Variants in CHD7 observed in about 807,000 individuals in gnomAD.
The protein encoded by CHD7 is chromodomain helicase DNA binding protein 7.
Under a neutral mutation model 307.3 loss-of-function variants are expected in CHD7, and 24 were observed. That is an observed-to-expected ratio of 0.08 (90% CI 0.06 to 0.11). The LOEUF (loss-of-function observed/expected upper bound fraction) is 0.11, where lower values mean the gene tolerates loss of function less well. Ranked by LOEUF, CHD7 falls within the 10% of genes least tolerant of loss-of-function variation. CHD7 has a pLI of 1.00. For missense variants in CHD7, 3,106 were observed against 3,727.1 expected (o/e 0.83, Z 4.34); for synonymous variants, 1,363 against 1,349.9 (o/e 1.01, Z -0.21).
intron 13 of CHD7, chr8:60,824,942 C>T (rs1563633418): frequency 6.6e-6 from 1 of 152,134 alleles, no homozygotes. Flanking sequence ...TCTTTTCACT[C>T]CATAGTTTAT....
intron 3 of CHD7, among the ~76,000 whole-genome samples, chr8:60,793,179 G>A (rs1274922526): frequency 6.6e-6 from 1 of 152,154 alleles, no homozygotes; most frequent in East Asian, 1.9e-4. Flanking sequence ...GAACCTCATA[G>A]TAGGGGAGAC....
chr8:60,824,328 G>C (rs1426662051), intron 13 of CHD7: 26 of 391,532 alleles, frequency 6.6e-5, no homozygotes, highest in Non-Finnish European at 1.1e-4. Flanking sequence ...AAAAATCCCA[G>C]AATCCAAAAC....
intron 33 of CHD7, 80 bp downstream of exon 33, chr8:60,856,282 T>TG: frequency 7.8e-7 from 1 of 1,286,616 alleles, no homozygotes; most frequent in Non-Finnish European, 1.1e-6. Context: ...TATATTTCAC[T>TG]GGCCTTGCTT....
At chr8:60,807,094 A>G (rs149295801) in intron 6 of CHD7, among the ~76,000 whole-genome samples, 32 of 152,374 alleles carry the variant, frequency 2.1e-4, no homozygotes, top group African/African-American at 7.7e-4. Flanking sequence ...TAAGTTCACA[A>G]TCTTTGAAAA....
chr8:60,819,144 G>C (rs928172839), intron 8 of CHD7, among the ~76,000 whole-genome samples: 1 of 151,988 alleles, frequency 6.6e-6, no homozygotes, highest in Non-Finnish European at 1.5e-5. Flanking sequence ...TAGTAGAGAC[G>C]GGGTTTCACC....
chr8:60,683,032 TG>T (rs1332806311), intron 1 of CHD7, among the ~76,000 whole-genome samples: 1 of 152,248 alleles, frequency 6.6e-6, no homozygotes, highest in Non-Finnish European at 1.5e-5. Context: ...ATATTGGCTC[TG>T]TGGGACCCTT....
At chr8:60,786,987 A>G (rs73684572) in intron 3 of CHD7, among the ~76,000 whole-genome samples, 94 of 152,322 alleles carry the variant, frequency 6.2e-4, no homozygotes, top group African/African-American at 2.2e-3. Flanking sequence ...GTGACTTAGC[A>G]TTCAGACGTT....
chr8:60,812,363 TTA>T (rs1303757727), intron 7 of CHD7, among the ~76,000 whole-genome samples: 2 of 152,166 alleles, frequency 1.3e-5, no homozygotes, highest in East Asian at 3.9e-4. Context: ...TCTAGCACCA[TTA>T]TTAAAGAGTC....
In CHD7 at chr8:60,722,820, T is replaced by C. The variant is rs1425269674; in HGVS notation, c.-174-18439T>C. Among the ~76,000 whole-genome samples, 2 of 152,210 alleles carry C rather than the reference T, an allele frequency of 1.3e-5. 1 individual carries two copies. Among genetic ancestry groups the C allele is most frequent in the Non-Finnish European group, 2.9e-5 (2 of 68,020 alleles). On this transcript the variant is annotated intron_variant, in intron 1 of 37. Transcript: ENST00000423902. The stretch of plus-strand genomic sequence containing the variant: ...AGAACATGAAGAAAATCTGGTCTCA[T>C]GTGGACATGTATTAAAAAGAGAGGA...
intron 2 of CHD7, among the ~76,000 whole-genome samples, chr8:60,759,477 C>T (rs1810061891): frequency 6.8e-6 from 1 of 147,800 alleles, no homozygotes; most frequent in East Asian, 2.0e-4. Context: ...CTCTCCCTCT[C>T]TCCCTCTCTC....
chr8:60,845,005 C>A lies in CHD7; in HGVS notation c.4992C>A (p.Ile1664=). 3 of 1,614,034 alleles carry A rather than the reference C, an allele frequency of 1.9e-6. No individual in the cohort carries two copies. Among genetic ancestry groups the A allele is most frequent in the Non-Finnish European group, 2.5e-6 (3 of 1,179,892 alleles). ...YKGDENIKSF[I]WDLITPTADG... is the part of the protein sequence containing the mutation. ...GGGATGAGAATATCAAAAGCTTCATCTGGGATCTGATCACACCCACAGCGG... is the reference window on the plus strand; with the variant it reads ...GGGATGAGAATATCAAAAGCTTCATATGGGATCTGATCACACCCACAGCGG... The change falls in exon 22 of 38, where the codon ATC becomes ATA. Residue 1664 remains isoleucine (I), a synonymous_variant. Transcript: ENST00000423902.
At chr8:60,710,233 AC>A (rs977129894) in intron 1 of CHD7, among the ~76,000 whole-genome samples, 2 of 130,740 alleles carry the variant, frequency 1.5e-5, no homozygotes, top group African/African-American at 2.7e-5. Flanking sequence ...TGAAATGAAA[AC>A]TTTTTTTTTT....
intron 7 of CHD7, among the ~76,000 whole-genome samples, chr8:60,812,755 A>AT (rs1290894874): frequency 3.4e-5 from 5 of 148,822 alleles, no homozygotes; most frequent in African/African-American, 1.2e-4. Context: ...TATTTTATTT[A>AT]TTTTTTTATT....
At chr8:60,727,731 A>T (rs112733699) in intron 1 of CHD7, among the ~76,000 whole-genome samples, 5 of 152,114 alleles carry the variant, frequency 3.3e-5, no homozygotes, top group Non-Finnish European at 7.3e-5. Flanking sequence ...CTGTTTGTCA[A>T]TGACTTAAAC....
intron 1 of CHD7, among the ~76,000 whole-genome samples, chr8:60,736,951 T>TA (rs1808743421): frequency 6.6e-6 from 1 of 152,182 alleles, no homozygotes; most frequent in Non-Finnish European, 1.5e-5. Context: ...AATAATTGTT[T>TA]ATATTGTTTT....
At chr8:60,724,232 G>T (rs1024473133) in intron 1 of CHD7, among the ~76,000 whole-genome samples, 2 of 152,194 alleles carry the variant, frequency 1.3e-5, no homozygotes, top group African/African-American at 4.8e-5. Context: ...ACTTCGTGTG[G>T]TTGTGATTTT....
chr8:60,747,273 T>TA, intron 2 of CHD7, among the ~76,000 whole-genome samples: 1 of 152,120 alleles, frequency 6.6e-6, no homozygotes, highest in Non-Finnish European at 1.5e-5. Context: ...AGATGGGGTT[T>TA]CACCATGTTG....
At chr8:60,737,047 A>G (rs1369345128) in intron 1 of CHD7, among the ~76,000 whole-genome samples, 1 of 152,056 alleles carries the variant, frequency 6.6e-6, no homozygotes, top group Non-Finnish European at 1.5e-5. Context: ...TTATATATAC[A>G]TATATTTTTC....
At chr8:60,775,709 T>G (rs1432815892) in intron 2 of CHD7, among the ~76,000 whole-genome samples, 1 of 152,212 alleles carries the variant, frequency 6.6e-6, no homozygotes, top group Admixed American at 6.5e-5. Flanking sequence ...CCTCAGTCTA[T>G]TAAGGGCTTG....
Sources: gnomAD v4.1 joint callset for allele counts (sites outside exome capture counted in the v4.1 genomes callset) on GRCh38, gnomAD v4.1.1 for gene constraint, MANE v1.5 for transcripts, NCBI Gene and HGNC (gene_info 2026-07-23, HGNC 2026-07-21) for gene names.